ZC3H6: variants seen among roughly 807,000 people sequenced by gnomAD.
ZC3H6 encodes the protein zinc finger CCCH-type containing 6.
Under a neutral mutation model 107.7 loss-of-function variants are expected in ZC3H6, and 40 were observed. That is an observed-to-expected ratio of 0.37 (90% CI 0.29 to 0.48). ZC3H6 has a LOEUF of 0.48. Ranked by LOEUF, ZC3H6 falls within the 20% of genes least tolerant of loss-of-function variation. The probability of loss-of-function intolerance (pLI) is 0.98; values close to 1 mark genes in which losing one functional copy is unlikely to be tolerated. For synonymous variants in ZC3H6, 493 were observed against 487.9 expected, an observed-to-expected ratio of 1.01 and a Z score of -0.14; for missense variants, 1,267 against 1,410.4, an observed-to-expected ratio of 0.90 and a Z score of 1.63.
chr2:112,275,855 C>T lies in ZC3H6; in HGVS notation c.-140C>T, dbSNP rs1686404725. 1 of 610,060 alleles carries T rather than the reference C, an allele frequency of 1.6e-6. No homozygotes were observed. The highest frequency in any genetic ancestry group is 3.2e-5 in the East Asian group (1 of 31,536). The allele number at this position is 610,060 out of a possible 1,614,324, so 37.8% of individuals were successfully genotyped here. ...TGTGTCTGTGTCGCTCACTAGTAAC[C>T]GTGAGTTTTTACCACTTCGTCACCT... On this transcript the variant is annotated 5_prime_UTR_variant, in exon 1 of 12. Coordinates refer to ENST00000409871, the MANE Select transcript of ZC3H6 (RefSeq NM_198581.3).
At chr2:112,301,118 A>G (rs1189832428) in intron 2 of ZC3H6, among the ~76,000 whole-genome samples, 1 of 152,228 alleles carries the variant, frequency 6.6e-6, no homozygotes, top group Non-Finnish European at 1.5e-5. Context: ...TTGCCAACAG[A>G]TATTCACCTC....
chr2:112,297,279 A>G (rs1474318703), intron 1 of ZC3H6, among the ~76,000 whole-genome samples: 1 of 152,226 alleles, frequency 6.6e-6, no homozygotes, highest in Non-Finnish European at 1.5e-5. Context: ...GAGATATATC[A>G]TATCATATCA....
intron 1 of ZC3H6, among the ~76,000 whole-genome samples, chr2:112,280,059 C>T (rs996315175): frequency 2.6e-5 from 4 of 152,126 alleles, no homozygotes; most frequent in African/African-American, 9.7e-5. Flanking sequence ...TGCTCTTCCC[C>T]TTTTCATTAT....
Position 112,303,271 on chromosome 2 carries a change from G to C in ZC3H6, c.256G>C (p.Asp86His). The C allele has an allele frequency of 6.2e-7, 1 of 1,612,762 alleles. No individual in the cohort carries two copies. The highest frequency in any genetic ancestry group is 8.5e-7 in the Non-Finnish European group (1 of 1,179,080). Residue 86 changes from aspartate to histidine, a missense_variant, in exon 3 of 12, where the codon GAT becomes CAT. Coordinates refer to ENST00000409871, the MANE Select transcript of ZC3H6 (RefSeq NM_198581.3). The part of the protein sequence containing the change: ...SSDDSSDYSL[D>H]SDVEHTESSH... ...TGATGATAGTTCGGACTACAGCCTT[G>C]ATTCAGATGTTGAACATACAGAAAG...
At chr2:112,312,096 T>A in intron 5 of ZC3H6, 159 bp downstream of exon 5, 2 of 673,104 alleles carry the variant, frequency 3.0e-6, no homozygotes, top group Non-Finnish European at 4.4e-6. Flanking sequence ...AAATAGTTGT[T>A]AATTAGTTGT....
chr2:112,297,665 C>A (rs1204496523), intron 1 of ZC3H6, among the ~76,000 whole-genome samples: 1 of 152,044 alleles, frequency 6.6e-6, no homozygotes, highest in Admixed American at 6.5e-5. Flanking sequence ...AGCAAAGATA[C>A]TAGTATTTGG....
intron 1 of ZC3H6, among the ~76,000 whole-genome samples, chr2:112,277,273 AT>A (rs1361720026): frequency 1.3e-5 from 2 of 152,146 alleles, no homozygotes; most frequent in Non-Finnish European, 2.9e-5. Flanking sequence ...ATTTTTAATG[AT>A]TTTTTTAACG....
intron 3 of ZC3H6, among the ~76,000 whole-genome samples, chr2:112,307,737 C>A (rs2104710709): frequency 6.6e-6 from 1 of 152,120 alleles, no homozygotes; most frequent in East Asian, 1.9e-4. Context: ...ACAAAAGGAG[C>A]CCTGGGATGG....
intron 1 of ZC3H6, among the ~76,000 whole-genome samples, chr2:112,277,741 A>G (rs1005057236): frequency 5.3e-5 from 8 of 152,038 alleles, no homozygotes; most frequent in Non-Finnish European, 1.2e-4. Context: ...AACTTAGCCA[A>G]TTGTTAAGTG....
Position 112,332,070 on chromosome 2 carries a change from C to T in ZC3H6, c.3152C>T (p.Pro1051Leu). Residue 1051 changes from proline (P) to leucine (L), a missense_variant, in exon 12 of 12, where the codon CCT becomes CTT. This residue lies in a region of ZC3H6 where 925 missense variants were observed against 1,025.7 expected (regional missense o/e 0.90). Transcript: ENST00000409871. The part of the protein sequence containing the change: ...SVLSGISLYD[P>L]RDHGSSSTSE... ...CTTAGTGGTATTAGTTTGTATGACC[C>T]TAGGGATCACGGTTCATCATCCACA... 6.2e-7 allele frequency: 1 copy of T among 1,613,970 alleles called. No individual in the cohort carries two copies. Among genetic ancestry groups the T allele is most frequent in the Non-Finnish European group, 8.5e-7 (1 of 1,179,874 alleles).
intron 1 of ZC3H6, among the ~76,000 whole-genome samples, chr2:112,289,062 CTTTTT>C (rs532443613): frequency 4.8e-5 from 6 of 125,288 alleles, no homozygotes; most frequent in Non-Finnish European, 8.8e-5. Flanking sequence ...TCTTTTTTTT[CTTTTT>C]TTTTTTTGAG....
intron 1 of ZC3H6, 45 bp downstream of exon 1, chr2:112,276,071 G>A: frequency 6.5e-7 from 1 of 1,527,006 alleles, no homozygotes; most frequent in Admixed American, 2.0e-5. Flanking sequence ...TGAGAGGAGG[G>A]GTCTGGGGCG....
At chr2:112,307,569 G>A (rs1314718802) in intron 3 of ZC3H6, among the ~76,000 whole-genome samples, 1 of 152,132 alleles carries the variant, frequency 6.6e-6, no homozygotes, top group Non-Finnish European at 1.5e-5. Flanking sequence ...TCATCCCAAT[G>A]ATGACCATAT....
intron 5 of ZC3H6, among the ~76,000 whole-genome samples, chr2:112,312,392 C>T (rs898073487): frequency 6.6e-6 from 1 of 152,130 alleles, no homozygotes; most frequent in Non-Finnish European, 1.5e-5. Flanking sequence ...GAAAGGTGAA[C>T]TTATGTATGT....
chr2:112,332,101 G>A lies in ZC3H6; in HGVS notation c.3183G>A (p.Glu1061=). 1 of 1,613,964 alleles carries A rather than the reference G, an allele frequency of 6.2e-7. No homozygotes were observed. Among genetic ancestry groups the A allele is most frequent in the Non-Finnish European group, 8.5e-7 (1 of 1,179,882 alleles). Residue 1061 remains glutamate (E), a synonymous_variant, in exon 12 of 12, where the codon GAG becomes GAA. Transcript: ENST00000409871. The part of the protein sequence containing the change: ...PRDHGSSSTS[E]LATASSGENS... Reference sequence around the variant, plus strand: ...ATCACGGTTCATCATCCACATCAGAGCTAGCAACAGCTTCTTCAGGAGAAA... The same window carrying A: ...ATCACGGTTCATCATCCACATCAGAACTAGCAACAGCTTCTTCAGGAGAAA...
chr2:112,315,848 G>A (rs1676686560), intron 5 of ZC3H6, among the ~76,000 whole-genome samples: 1 of 152,062 alleles, frequency 6.6e-6, no homozygotes, highest in South Asian at 2.1e-4. Context: ...ATCCCAAAGT[G>A]CTGGGATTAC....
At chr2:112,279,818 A>G (rs1296602962) in intron 1 of ZC3H6, among the ~76,000 whole-genome samples, 2 of 152,252 alleles carry the variant, frequency 1.3e-5, no homozygotes, top group Non-Finnish European at 2.9e-5. Context: ...GAGATCTCAT[A>G]AATACAACCT....
intron 1 of ZC3H6, among the ~76,000 whole-genome samples, chr2:112,293,941 AAC>A (rs1032978687): frequency 6.6e-6 from 1 of 152,184 alleles, no homozygotes; most frequent in African/African-American, 2.4e-5. Flanking sequence ...CTGGCTGAGG[AAC>A]AGTTTCCATC....
chr2:112,290,686 T>TCTTA (rs1676096863), intron 1 of ZC3H6, among the ~76,000 whole-genome samples: 1 of 152,188 alleles, frequency 6.6e-6, no homozygotes, highest in Admixed American at 6.5e-5. Context: ...GACATAAAAT[T>TCTTA]CTTACATACA....
Sources: gnomAD v4.1 joint callset for allele counts (sites outside exome capture counted in the v4.1 genomes callset) on GRCh38, gnomAD v4.1.1 for gene constraint, gnomAD v4.1.1 regional missense constraint, MANE v1.5 for transcripts, NCBI Gene and HGNC (gene_info 2026-07-23, HGNC 2026-07-21) for gene names.